Variants in ZBTB7C observed in about 807,000 individuals in gnomAD.
ZBTB7C encodes the protein zinc finger and BTB domain containing 7C.
A neutral mutation model predicts 25.7 loss-of-function variants in ZBTB7C; 8 were observed. That is an observed-to-expected ratio of 0.31 (90% CI 0.18 to 0.56). ZBTB7C has a LOEUF of 0.56. Among genes scored for constraint, ZBTB7C ranks in the 20% least tolerant of loss-of-function variants. The pLI, the probability that ZBTB7C is intolerant of heterozygous loss-of-function variation, is 0.91. For missense variants in ZBTB7C, 824 were observed against 855.2 expected (o/e 0.96, Z 0.46); for synonymous variants, 394 against 369.0 (o/e 1.07, Z -0.78).
chr18:48,107,695 C>T (rs944803372), intron 3 of ZBTB7C, among the ~76,000 whole-genome samples: 1 of 152,146 alleles, frequency 6.6e-6, no homozygotes, highest in African/African-American at 2.4e-5. Flanking sequence ...TCCCAGACAA[C>T]ACATGGGAAC....
intron 2 of ZBTB7C, among the ~76,000 whole-genome samples, chr18:48,244,846 T>C (rs1010034815): frequency 2.0e-5 from 3 of 151,978 alleles, no homozygotes; most frequent in Admixed American, 2.0e-4. Context: ...GGTGGGAATG[T>C]AAACTATTAA....
chr18:48,405,774 C>T (rs2048266875), intron 1 of ZBTB7C, among the ~76,000 whole-genome samples: 1 of 146,554 alleles, frequency 6.8e-6, no homozygotes, highest in Non-Finnish European at 1.5e-5. Flanking sequence ...TGCACACAGG[C>T]CGGGGTTCAC....
intron 3 of ZBTB7C, among the ~76,000 whole-genome samples, chr18:48,060,469 C>A (rs1598802257): frequency 6.6e-6 from 1 of 152,094 alleles, no homozygotes; most frequent in Non-Finnish European, 1.5e-5. Context: ...GCCCATGGCA[C>A]ACCCCCTCTG....
chr18:48,278,775 T>G (rs1443592088), intron 2 of ZBTB7C, among the ~76,000 whole-genome samples: 1 of 152,148 alleles, frequency 6.6e-6, no homozygotes, highest in Non-Finnish European at 1.5e-5. Flanking sequence ...ATAGTTGCTT[T>G]AAGCCAGTAT....
intron 1 of ZBTB7C, among the ~76,000 whole-genome samples, chr18:48,402,577 G>C (rs1264238169): frequency 6.6e-6 from 1 of 152,190 alleles, no homozygotes; most frequent in African/African-American, 2.4e-5. Flanking sequence ...CTTTGGTGAA[G>C]AGACTTGACA....
chr18:48,121,789 C>T (rs1039805433), intron 3 of ZBTB7C, among the ~76,000 whole-genome samples: 4 of 152,220 alleles, frequency 2.6e-5, no homozygotes, highest in Middle Eastern at 3.4e-3. Flanking sequence ...CTGAGCACTG[C>T]GGGGGACCTG....
intron 1 of ZBTB7C, among the ~76,000 whole-genome samples, chr18:48,377,121 G>A (rs1389164137): frequency 6.6e-6 from 1 of 152,166 alleles, no homozygotes; most frequent in African/African-American, 2.4e-5. Context: ...GGTTCCAGAG[G>A]ATGGGGGAGG....
At chr18:48,192,787 T>C (rs1313753495) in intron 2 of ZBTB7C, among the ~76,000 whole-genome samples, 3 of 152,320 alleles carry the variant, frequency 2.0e-5, no homozygotes, top group Non-Finnish European at 4.4e-5. Context: ...TTCATAACAA[T>C]GTGTCAATAT....
chr18:48,264,997 G>A (rs1282001879), intron 2 of ZBTB7C, among the ~76,000 whole-genome samples: 8 of 152,214 alleles, frequency 5.3e-5, no homozygotes, highest in African/African-American at 9.7e-5. Flanking sequence ...CTGGATGAGA[G>A]ACAATGGGTG....
At chr18:48,252,848 C>T (rs982891077) in intron 2 of ZBTB7C, 5 of 152,138 alleles carry the variant, frequency 3.3e-5, no homozygotes, top group Non-Finnish European at 7.3e-5. Context: ...GGAGGCAGTC[C>T]CTGACATTTA....
chr18:48,182,864 G>A (rs1044072956), intron 3 of ZBTB7C, among the ~76,000 whole-genome samples: 4 of 152,190 alleles, frequency 2.6e-5, no homozygotes, highest in African/African-American at 7.2e-5. Flanking sequence ...AGTGAAGTTA[G>A]TGAAATTTTA....
intron 3 of ZBTB7C, among the ~76,000 whole-genome samples, chr18:48,162,817 G>GT (rs2041112850): frequency 6.6e-6 from 1 of 152,238 alleles, no homozygotes; most frequent in African/African-American, 2.4e-5. Flanking sequence ...GTGCCTCTCA[G>GT]TAAATAAGAG....
At chr18:48,223,436 G>T (rs900142311) in intron 2 of ZBTB7C, among the ~76,000 whole-genome samples, 2 of 152,204 alleles carry the variant, frequency 1.3e-5, no homozygotes, top group African/African-American at 4.8e-5. Flanking sequence ...GACCACACAT[G>T]TTTAACAGAG....
At chr18:48,409,718 T>G (rs754809071), upstream of ZBTB7C, among the ~76,000 whole-genome samples, 157 of 150,732 alleles carry the variant, frequency 1.0e-3, no homozygotes, top group Middle Eastern at 6.8e-3. Context: ...CGGGCGGGAG[T>G]CAGGACCCGA....
chr18:48,066,074 TG>T (rs1191690092), intron 3 of ZBTB7C, among the ~76,000 whole-genome samples: 2 of 152,242 alleles, frequency 1.3e-5, no homozygotes, highest in Admixed American at 6.5e-5. Flanking sequence ...ATGTGGTATC[TG>T]CTCTCTCCTT....
intron 3 of ZBTB7C, among the ~76,000 whole-genome samples, chr18:48,152,611 G>C (rs2040713227): frequency 6.6e-6 from 1 of 152,212 alleles, no homozygotes; most frequent in Non-Finnish European, 1.5e-5. Flanking sequence ...ATGGAGCTGG[G>C]AGGAGGCAGG....
intron 2 of ZBTB7C, among the ~76,000 whole-genome samples, chr18:48,269,962 C>A (rs2044426311): frequency 6.6e-6 from 1 of 151,974 alleles, no homozygotes; most frequent in African/African-American, 2.4e-5. Flanking sequence ...AATGTTGTTA[C>A]AACGACATAA....
At chr18:48,261,411 T>C (rs527570813) in intron 2 of ZBTB7C, among the ~76,000 whole-genome samples, 1 of 152,332 alleles carries the variant, frequency 6.6e-6, no homozygotes, top group Admixed American at 6.5e-5. Context: ...GTTAAGAGAC[T>C]GAACAAATGG....
intron 3 of ZBTB7C, among the ~76,000 whole-genome samples, chr18:48,177,616 A>T (rs1322489464): frequency 6.6e-6 from 1 of 151,540 alleles, no homozygotes; most frequent in Non-Finnish European, 1.5e-5. Flanking sequence ...TGAGCTGTGG[A>T]CTTTCTTGGA....
Sources: gnomAD v4.1 joint callset for allele counts (sites outside exome capture counted in the v4.1 genomes callset) on GRCh38, gnomAD v4.1.1 for gene constraint, MANE v1.5 for transcripts, NCBI Gene and HGNC (gene_info 2026-07-23, HGNC 2026-07-21) for gene names.